Variants in ZMIZ1 observed in about 807,000 individuals in gnomAD.
The protein encoded by ZMIZ1 is zinc finger MIZ-type containing 1, also known as zinc finger MIZ domain-containing protein 1.
A neutral mutation model predicts 113.9 loss-of-function variants in ZMIZ1; 17 were observed. The observed-to-expected ratio is 0.15, with a 90% CI of 0.10 to 0.22. ZMIZ1 has a LOEUF of 0.22. Among genes scored for constraint, ZMIZ1 ranks in the 10% least tolerant of loss-of-function variants. The pLI, the probability that ZMIZ1 is intolerant of heterozygous loss-of-function variation, is 1.00. For synonymous variants in ZMIZ1, 607 were observed against 603.1 expected, an observed-to-expected ratio of 1.01 and a Z score of -0.09; for missense variants, 1,059 against 1,477.8, an observed-to-expected ratio of 0.72 and a Z score of 4.65.
chr10:79,242,918 C>T (rs927635933), intron 7 of ZMIZ1, among the ~76,000 whole-genome samples: 5 of 151,912 alleles, frequency 3.3e-5, no homozygotes, highest in Admixed American at 3.3e-4. Context: ...GATTCATACT[C>T]GCTCGCGCTC....
chr10:79,134,008 T>G (rs1321337002), intron 2 of ZMIZ1, among the ~76,000 whole-genome samples: 1 of 152,244 alleles, frequency 6.6e-6, no homozygotes, highest in Non-Finnish European at 1.5e-5. Context: ...GATGCTAATT[T>G]GCTGGTGATT....
intron 1 of ZMIZ1, among the ~76,000 whole-genome samples, chr10:79,074,795 G>T (rs1052214163): frequency 6.6e-6 from 1 of 152,232 alleles, no homozygotes; most frequent in African/African-American, 2.4e-5. Context: ...TAGCTAGTGG[G>T]GTTCAGGCCA....
intron 1 of ZMIZ1, among the ~76,000 whole-genome samples, chr10:79,084,800 A>G (rs1195444027): frequency 7.4e-6 from 1 of 134,448 alleles, no homozygotes; most frequent in East Asian, 2.6e-4. Context: ...CTGGCCGTTG[A>G]TGATTGAACT....
intron 4 of ZMIZ1, among the ~76,000 whole-genome samples, chr10:79,183,160 A>G (rs1026435740): frequency 2.0e-5 from 3 of 152,260 alleles, no homozygotes; most frequent in African/African-American, 7.2e-5. Flanking sequence ...TTCAGGCCCC[A>G]TGGTGCAGGG....
At chr10:79,108,600 G>A (rs960908170) in intron 1 of ZMIZ1, among the ~76,000 whole-genome samples, 1 of 152,094 alleles carries the variant, frequency 6.6e-6, no homozygotes, top group East Asian at 1.9e-4. Flanking sequence ...GCCTGATTGG[G>A]GTAAGGGTGG....
chr10:79,292,210 A>G lies in ZMIZ1; in HGVS notation c.811A>G (p.Arg271Gly). 6.2e-7 allele frequency: 1 copy of G among 1,612,244 alleles called. No homozygotes were observed. The highest frequency in any genetic ancestry group is 8.5e-7 in the Non-Finnish European group (1 of 1,179,650). The change falls in exon 11 of 25, where the codon AGG becomes GGG. Residue 271 changes from arginine (R) to glycine (G), a missense_variant. Transcript: ENST00000334512. ...AGGCATGGGCATCCCTCCGCACACC[A>G]GGCCGCCTGCTGACTTCACTCAGCC... ...PAGMGIPPHT[R>G]PPADFTQPAA...
At chr10:79,095,477 C>T (rs1016855798) in intron 1 of ZMIZ1, among the ~76,000 whole-genome samples, 52 of 152,364 alleles carry the variant, frequency 3.4e-4, no homozygotes, top group African/African-American at 1.2e-3. Context: ...CAACCCCATT[C>T]TCCTGACCTA....
At chr10:79,230,514 C>T (rs1849351722) in intron 7 of ZMIZ1, among the ~76,000 whole-genome samples, 1 of 152,234 alleles carries the variant, frequency 6.6e-6, no homozygotes, top group South Asian at 2.1e-4. Context: ...GATGTGCGCC[C>T]CAGATGTTTA....
Position 79,313,386 on chromosome 10 carries a change from A to T in ZMIZ1, c.*637A>T, listed in dbSNP as rs1304785149. 1 of 155,566 alleles carries T rather than the reference A, an allele frequency of 6.4e-6. No homozygotes were observed. Among genetic ancestry groups the T allele is most frequent in the Non-Finnish European group, 1.4e-5 (1 of 70,470 alleles). 9.6% of individuals were successfully genotyped at this position (155,566 alleles called of 1,614,324 possible). A position where few individuals can be genotyped will look rare whatever the true frequency, so the allele number is the denominator to read the frequency against. On this transcript the variant is annotated 3_prime_UTR_variant, in exon 25 of 25. Transcript: ENST00000334512. Reference sequence around the variant, plus strand: ...CTATAAGCCAAGATACCCCATAAACACACTCAGAAAGCAGAGAAAAAGGAC... The same window carrying T: ...CTATAAGCCAAGATACCCCATAAACTCACTCAGAAAGCAGAGAAAAAGGAC...
chr10:79,070,766 C>T (rs1481567086), intron 1 of ZMIZ1, among the ~76,000 whole-genome samples: 2 of 151,968 alleles, frequency 1.3e-5, no homozygotes, highest in Non-Finnish European at 2.9e-5. Flanking sequence ...CCCGGCTGCG[C>T]CTGCCCGGGA....
chr10:79,215,459 C>T (rs894151847), intron 6 of ZMIZ1, among the ~76,000 whole-genome samples: 2 of 152,084 alleles, frequency 1.3e-5, no homozygotes, highest in African/African-American at 4.8e-5. Flanking sequence ...GCCACACACT[C>T]GGCTAATTTT....
chr10:79,183,824 T>C (rs989881155), intron 4 of ZMIZ1, among the ~76,000 whole-genome samples: 7 of 152,170 alleles, frequency 4.6e-5, no homozygotes, highest in Admixed American at 3.9e-4. Context: ...ACGGCTGTTA[T>C]CCTATCATCA....
chr10:79,274,406 C>A (rs1398085750), intron 7 of ZMIZ1, among the ~76,000 whole-genome samples: 1 of 152,232 alleles, frequency 6.6e-6, no homozygotes, highest in African/African-American at 2.4e-5. Flanking sequence ...CCCAGACACC[C>A]GCCCAGCTGG....
intron 2 of ZMIZ1, among the ~76,000 whole-genome samples, chr10:79,137,204 C>T (rs542009771): frequency 1.9e-3 from 289 of 152,280 alleles, no homozygotes; most frequent in African/African-American, 6.5e-3. Flanking sequence ...CTTTGGTGGT[C>T]CTGACAGGAT....
At position 79,098,105 on chromosome 10, in the gene ZMIZ1, A is replaced by G. The variant is rs150683771; in HGVS notation, c.-336-20810A>G. ...TGGGGTTGTGGGGAATGGTCAAATGATCATTCCTACCTAAGGGTCAGGAGA... is the reference window on the plus strand; with the variant it reads ...TGGGGTTGTGGGGAATGGTCAAATGGTCATTCCTACCTAAGGGTCAGGAGA... On this transcript the variant is annotated intron_variant, in intron 1 of 24. Transcript: ENST00000334512. Among the ~76,000 whole-genome samples the G allele has an allele frequency of 7.3e-4, 111 of 152,254 alleles. No individual in the cohort carries two copies. In the Middle Eastern group the frequency reaches 0.024, roughly 33 times the overall value.
rs770480223 is a variant in ZMIZ1 at position 79,289,900 on chromosome 10, A to G, written c.540+11A>G. 1.9e-6 allele frequency: 3 copies of G among 1,611,628 alleles called. No individual in the cohort carries two copies. The highest frequency in any genetic ancestry group is 1.7e-4 in the Middle Eastern group (1 of 6,054). ...ACATCCCAGAGCCAGGTAAGAGCCT[A>G]TACTGCCCTCAGCCACAGCTCTTTC... On this transcript the variant is annotated intron_variant, in intron 9 of 24. Transcript: ENST00000334512.
chr10:79,277,965 T>A (rs1474362681), intron 8 of ZMIZ1, among the ~76,000 whole-genome samples: 1 of 152,254 alleles, frequency 6.6e-6, no homozygotes, highest in Non-Finnish European at 1.5e-5. Flanking sequence ...CCTGTCATGC[T>A]GTCTGCTCTC....
intron 2 of ZMIZ1, among the ~76,000 whole-genome samples, chr10:79,132,870 C>T (rs919800580): frequency 2.6e-5 from 4 of 152,154 alleles, no homozygotes; most frequent in Non-Finnish European, 5.9e-5. Context: ...TTTCTCCCTT[C>T]CTCCTTCCCT....
At chr10:79,166,208 T>C (rs190234914) in intron 4 of ZMIZ1, among the ~76,000 whole-genome samples, 39 of 152,266 alleles carry the variant, frequency 2.6e-4, no homozygotes, top group African/African-American at 8.9e-4. Flanking sequence ...ACCTCTGCTC[T>C]CCTTCTCAGG....
Sources: gnomAD v4.1 joint callset for allele counts (sites outside exome capture counted in the v4.1 genomes callset) on GRCh38, gnomAD v4.1.1 for gene constraint, MANE v1.5 for transcripts, NCBI Gene and HGNC (gene_info 2026-07-23, HGNC 2026-07-21) for gene names.